DENND5B: variants seen among roughly 807,000 people sequenced by gnomAD.
DENND5B encodes the protein DENN domain containing 5B.
A neutral mutation model predicts 140.6 loss-of-function variants in DENND5B; 34 were observed. The ratio of observed to expected loss-of-function variants is 0.24; its 90% CI spans 0.18 to 0.32. DENND5B has a LOEUF of 0.32. DENND5B is among the 10% of genes least tolerant of loss of function. The pLI, the probability that DENND5B is intolerant of heterozygous loss-of-function variation, is 1.00. For synonymous variants in DENND5B, 551 were observed against 562.1 expected, an observed-to-expected ratio of 0.98 and a Z score of 0.28; for missense variants, 1,142 against 1,560.2, an observed-to-expected ratio of 0.73 and a Z score of 4.52.
chr12:31,523,256 G>T (rs1240210575), intron 1 of DENND5B, among the ~76,000 whole-genome samples: 1 of 151,878 alleles, frequency 6.6e-6, no homozygotes, highest in Non-Finnish European at 1.5e-5. Context: ...AGAGATGGGG[G>T]TTTGCCATGT....
intron 8 of DENND5B, among the ~76,000 whole-genome samples, chr12:31,427,557 G>T (rs1943302627): frequency 6.6e-6 from 1 of 150,530 alleles, no homozygotes; most frequent in Admixed American, 6.7e-5. Context: ...AGTGAGTGGA[G>T]ATGGCGTCAC....
intron 17 of DENND5B, among the ~76,000 whole-genome samples, chr12:31,394,985 T>C (rs1235487999): frequency 6.6e-6 from 1 of 152,176 alleles, no homozygotes; most frequent in Non-Finnish European, 1.5e-5. Flanking sequence ...TCTATTATTA[T>C]ATTGCTTTTA....
intron 11 of DENND5B, among the ~76,000 whole-genome samples, chr12:31,422,188 G>C (rs1184196845): frequency 6.6e-6 from 1 of 151,600 alleles, no homozygotes; most frequent in African/African-American, 2.4e-5. Flanking sequence ...GGGAGGCCGA[G>C]GCGGGTGGAT....
At chr12:31,528,483 T>A (rs915863367) in intron 1 of DENND5B, among the ~76,000 whole-genome samples, 8 of 152,210 alleles carry the variant, frequency 5.3e-5, no homozygotes, top group African/African-American at 1.9e-4. Flanking sequence ...TATTACGACC[T>A]GACATTTAAT....
intron 4 of DENND5B, among the ~76,000 whole-genome samples, chr12:31,457,339 A>C (rs892039717): frequency 1.3e-5 from 2 of 152,224 alleles, no homozygotes; most frequent in African/African-American, 2.4e-5. Context: ...AATCATGAGG[A>C]TAGCTAATTG....
At chr12:31,535,635 T>C (rs1045477763) in intron 1 of DENND5B, among the ~76,000 whole-genome samples, 1 of 152,096 alleles carries the variant, frequency 6.6e-6, no homozygotes, top group African/African-American at 2.4e-5. Flanking sequence ...TAGATCTCAA[T>C]ACCCAAGTTC....
intron 7 of DENND5B, among the ~76,000 whole-genome samples, 155 bp downstream of exon 7, chr12:31,442,620 A>C (rs1944086964): frequency 6.6e-6 from 1 of 151,902 alleles, no homozygotes; most frequent in Non-Finnish European, 1.5e-5. Context: ...AAGCACTGAC[A>C]GAAGTGTCAA....
At chr12:31,516,216 C>T (rs948685913) in intron 1 of DENND5B, among the ~76,000 whole-genome samples, 8 of 151,946 alleles carry the variant, frequency 5.3e-5, no homozygotes, top group African/African-American at 1.9e-4. Flanking sequence ...CACGGTGGCT[C>T]GCGTCTGTTA....
rs1315202398 is a variant in DENND5B, at chr12:31,426,278, G to A, written c.2238+15C>T. 2 of 1,600,732 alleles carry A rather than the reference G, an allele frequency of 1.2e-6. No homozygotes were observed. The highest frequency in any genetic ancestry group is 1.7e-5 in the Admixed American group (1 of 57,704). ...CATGAATGCACACTGTCTGGCATCAGTGAATAATACATACCTTCATTCTAC... is the reference window on the plus strand; with the variant it reads ...CATGAATGCACACTGTCTGGCATCAATGAATAATACATACCTTCATTCTAC... On this transcript the variant is annotated intron_variant, in intron 9 of 20. Transcript: ENST00000389082.
At chr12:31,473,514 T>C (rs1945652481) in intron 3 of DENND5B, among the ~76,000 whole-genome samples, 1 of 152,180 alleles carries the variant, frequency 6.6e-6, no homozygotes, top group Non-Finnish European at 1.5e-5. Context: ...TCACGCAGTG[T>C]AGAACCGAGA....
rs1473294566 is a variant in DENND5B, at chr12:31,389,400, C to T, written c.3565G>A (p.Val1189Ile). The T allele has an allele frequency of 4.3e-6, 7 of 1,613,014 alleles. No individual in the cohort carries two copies. The highest frequency in any genetic ancestry group is 1.6e-4 in the Middle Eastern group (1 of 6,062). Residue 1189 changes from valine to isoleucine, a missense_variant, in exon 20 of 21, where the codon GTA (valine) becomes ATA (isoleucine). By Grantham distance (29) the Val-to-Ile change is conservative (BLOSUM62 3). Around this residue, in one of 5 missense-constraint regions of DENND5B, gnomAD observed 125 missense variants for 179.0 expected, o/e 0.70. Coordinates refer to ENST00000389082, the MANE Select transcript of DENND5B (RefSeq NM_144973.4). ...KSSCKTFCHY[V>I]NAINTAPRNI... ...CTGGGTGCAGTATTAATAGCATTTA[C>T]GTAGTGGCAGAAGGTTTTGCAGGAT... is the stretch of plus-strand genomic sequence containing the variant.
At chr12:31,390,826 C>T (rs1941100044) in intron 19 of DENND5B, among the ~76,000 whole-genome samples, 3 of 152,136 alleles carry the variant, frequency 2.0e-5, no homozygotes, top group Admixed American at 2.0e-4. Flanking sequence ...AATTTGGGAC[C>T]AGCGTGGCCA....
intron 1 of DENND5B, among the ~76,000 whole-genome samples, chr12:31,563,594 C>T (rs1395260709): frequency 1.3e-5 from 2 of 152,066 alleles, no homozygotes; most frequent in Admixed American, 1.3e-4. Context: ...GTTTGTAAGA[C>T]CAATTTTCAG....
At chr12:31,566,338 C>CTGTGTGTGTGTGTGTGTGTG (rs6144677) in intron 1 of DENND5B, among the ~76,000 whole-genome samples, 1 of 148,496 alleles carries the variant, frequency 6.7e-6, no homozygotes, top group East Asian at 2.0e-4. Context: ...CTCTTAAAAA[C>CTGTGTGTGTGTGTGTGTGTG]TGTGTGTGTG....
intron 2 of DENND5B, among the ~76,000 whole-genome samples, chr12:31,495,470 C>G (rs949450561): frequency 6.6e-6 from 1 of 150,498 alleles, no homozygotes; most frequent in Non-Finnish European, 1.5e-5. Context: ...CCTCCGCCTC[C>G]TGGGTTCAAG....
Position 31,452,444 on chromosome 12 carries a change from A to C in DENND5B, c.1125T>G (p.His375Gln), listed in dbSNP as rs371484096. The part of the protein sequence containing the change: ...ANLCFVDIDN[H>Q]FIELPEEFPQ... ...GAAATTCTTCAGGCAACTCAATAAA[A>C]TGGTTGTCAATGTCCACAAAACACA... The change falls in exon 5 of 21, where the codon CAT becomes CAG. Residue 375 changes from histidine (H) to glutamine (Q), a missense_variant. By Grantham distance (24) the His-to-Gln change is conservative (BLOSUM62 0). Transcript: ENST00000389082. 1.2e-6 allele frequency: 2 copies of C among 1,605,982 alleles called. No individual in the cohort carries two copies. The highest frequency in any genetic ancestry group is 1.7e-6 in the Non-Finnish European group (2 of 1,176,796).
chr12:31,547,041 C>G (rs1219889138), intron 1 of DENND5B, among the ~76,000 whole-genome samples: 1 of 152,172 alleles, frequency 6.6e-6, no homozygotes, highest in African/African-American at 2.4e-5. Context: ...GCTTCATTAG[C>G]CATTACGCTT....
At chr12:31,495,784 T>A in intron 2 of DENND5B, 26 bp downstream of exon 2, 2 of 1,494,704 alleles carry the variant, frequency 1.3e-6, no homozygotes, top group Non-Finnish European at 9.1e-7. Context: ...GGCTAAAGAG[T>A]AAATGAGGGG....
chr12:31,505,239 C>CTT (rs200931111), intron 1 of DENND5B, among the ~76,000 whole-genome samples: 28 of 129,122 alleles, frequency 2.2e-4, no homozygotes, highest in African/African-American at 7.5e-4. Flanking sequence ...CAGAATTTGC[C>CTT]TTTTTTTTTT....
Sources: gnomAD v4.1 joint callset for allele counts (sites outside exome capture counted in the v4.1 genomes callset) on GRCh38, gnomAD v4.1.1 for gene constraint, gnomAD v4.1.1 regional missense constraint, MANE v1.5 for transcripts, NCBI Gene and HGNC (gene_info 2026-07-23, HGNC 2026-07-21) for gene names.